Variants in PDE1A observed in about 807,000 individuals in gnomAD.
PDE1A encodes the protein dual specificity calcium/calmodulin-dependent 3',5'-cyclic nucleotide phosphodiesterase 1A.
Under a neutral mutation model 61.7 loss-of-function variants are expected in PDE1A, and 35 were observed. That is an observed-to-expected ratio of 0.57 (90% confidence interval 0.43 to 0.75). The LOEUF (loss-of-function observed/expected upper bound fraction) is 0.75, where lower values mean the gene tolerates loss of function less well. PDE1A is among the 30% of genes least tolerant of loss of function. The pLI, the probability that PDE1A is intolerant of heterozygous loss-of-function variation, is 0.00. For missense variants in PDE1A, 597 were observed against 630.6 expected (o/e 0.95, Z 0.57); for synonymous variants, 232 against 213.2 (o/e 1.09, Z -0.77).
intron 1 of PDE1A, among the ~76,000 whole-genome samples, chr2:182,413,869 C>T (rs1395542568): frequency 1.3e-5 from 2 of 152,066 alleles, no homozygotes; most frequent in African/African-American, 2.4e-5. Flanking sequence ...TCTCATGGTG[C>T]ACTAGTGTTA....
chr2:182,251,972 A>G (rs534567832), intron 2 of PDE1A, among the ~76,000 whole-genome samples: 2 of 152,284 alleles, frequency 1.3e-5, no homozygotes, highest in South Asian at 2.1e-4. Context: ...AGGGGAGATA[A>G]GGAATATATT....
chr2:182,207,008 A>T (rs1687161995), intron 7 of PDE1A, among the ~76,000 whole-genome samples: 1 of 152,198 alleles, frequency 6.6e-6, no homozygotes, highest in Non-Finnish European at 1.5e-5. Flanking sequence ...AGTCTCAGGT[A>T]GTTCTTTATA....
At position 182,159,450 on chromosome 2, in the gene PDE1A, G is replaced by A. The variant is rs80078186; in HGVS notation, c.1517-12298C>T. Among the ~76,000 whole-genome samples, 732 of 152,278 alleles carry A rather than the reference G, an allele frequency of 4.8e-3. 3 individuals are homozygous for A. The highest frequency in any genetic ancestry group is 6.9e-3 in the Non-Finnish European group (468 of 68,014). ...TATCTTGATAGGTTAATTAAGAATG[G>A]AAAGGTGATAGAAATCACCTATCAA... is the stretch of plus-strand genomic sequence containing the variant. On this transcript the variant is annotated intron_variant, in intron 13 of 13. Transcript: ENST00000409365.
At chr2:182,472,639 A>G (rs1687100388) in intron 2 of PDE1A, among the ~76,000 whole-genome samples, 1 of 151,844 alleles carries the variant, frequency 6.6e-6, no homozygotes, top group African/African-American at 2.4e-5. Context: ...GATGCACTGA[A>G]GACTCTGACT....
At chr2:182,286,967 CT>C (rs1694207048) in intron 1 of PDE1A, among the ~76,000 whole-genome samples, 1 of 152,078 alleles carries the variant, frequency 6.6e-6, no homozygotes, top group South Asian at 2.1e-4. Flanking sequence ...TCATCTCACT[CT>C]TATGTTTAAA....
intron 1 of PDE1A, among the ~76,000 whole-genome samples, chr2:182,396,203 A>T (rs1390113900): frequency 1.3e-5 from 2 of 152,198 alleles, no homozygotes; most frequent in Non-Finnish European, 2.9e-5. Flanking sequence ...GTTCTGCATG[A>T]CGTGCAGGCA....
the PDE1A span, among the ~76,000 whole-genome samples, chr2:182,610,190 T>C: frequency 6.6e-6 from 1 of 152,132 alleles, no homozygotes; most frequent in African/African-American, 2.4e-5. Flanking sequence ...CATTAGACCA[T>C]ACCCTTTTTG....
chr2:182,280,635 C>T (rs986016267), intron 1 of PDE1A, among the ~76,000 whole-genome samples: 1 of 151,920 alleles, frequency 6.6e-6, no homozygotes, highest in Non-Finnish European at 1.5e-5. Flanking sequence ...TCTGCTCTGC[C>T]AGTTACCACT....
In PDE1A at chr2:182,187,584, T is replaced by G. The variant is rs565384427; in HGVS notation, c.1208-996A>C. Among the ~76,000 whole-genome samples, 4 of 152,226 alleles carry G rather than the reference T, an allele frequency of 2.6e-5. No individual in the cohort carries two copies. The South Asian group carries it at 8.3e-4, about 32-fold the overall frequency. Reference sequence around the variant, plus strand: ...CATCAGATGCTTGGATAAAAGTAATTCACATTTCAAGTAACTGGATTACTT... The same window carrying G: ...CATCAGATGCTTGGATAAAAGTAATGCACATTTCAAGTAACTGGATTACTT... On this transcript the variant is annotated intron_variant, in intron 11 of 13. Transcript: ENST00000351439.
chr2:182,486,617 G>A (rs1418116667), intron 2 of PDE1A, among the ~76,000 whole-genome samples: 4 of 152,036 alleles, frequency 2.6e-5, no homozygotes, highest in African/African-American at 4.8e-5. Flanking sequence ...GAACAGAATT[G>A]AAAGACCAGA....
intron 2 of PDE1A, among the ~76,000 whole-genome samples, chr2:182,264,076 C>T (rs2125787815): frequency 6.6e-6 from 1 of 152,164 alleles, no homozygotes; most frequent in Middle Eastern, 3.4e-3. Flanking sequence ...GTTTGACTAT[C>T]TTATGACATT....
chr2:182,692,944 A>C, the PDE1A span, among the ~76,000 whole-genome samples: 1 of 151,878 alleles, frequency 6.6e-6, no homozygotes, highest in African/African-American at 2.4e-5. Flanking sequence ...TTCCATTTTT[A>C]TTGTCCCAAT....
the PDE1A span, among the ~76,000 whole-genome samples, chr2:182,637,514 TA>T: frequency 3.9e-5 from 6 of 152,026 alleles, no homozygotes; most frequent in Non-Finnish European, 8.8e-5. Flanking sequence ...AAAGACCAAT[TA>T]AAGAAAAGAG....
At chr2:182,480,912 G>A (rs551030571) in intron 2 of PDE1A, among the ~76,000 whole-genome samples, 4 of 151,938 alleles carry the variant, frequency 2.6e-5, no homozygotes, top group African/African-American at 9.6e-5. Context: ...GAGTCAAAAC[G>A]GGTACTTTGT....
chr2:182,572,776 G>C, the PDE1A span, among the ~76,000 whole-genome samples: 1 of 151,504 alleles, frequency 6.6e-6, no homozygotes, highest in Non-Finnish European at 1.5e-5. Context: ...AGGTGAGGCA[G>C]GAGAATGGTG....
At chr2:182,284,849 C>G (rs187769414) in intron 1 of PDE1A, among the ~76,000 whole-genome samples, 32 of 152,236 alleles carry the variant, frequency 2.1e-4, no homozygotes, top group Non-Finnish European at 4.1e-4. Flanking sequence ...TTCCTTTCAT[C>G]TCACATTGAT....
At chr2:182,512,783 T>C (rs1351621983) in intron 2 of PDE1A, among the ~76,000 whole-genome samples, 1 of 152,080 alleles carries the variant, frequency 6.6e-6, no homozygotes, top group Non-Finnish European at 1.5e-5. Flanking sequence ...GCTGAAAAAC[T>C]CACTACAAGA....
intron 1 of PDE1A, among the ~76,000 whole-genome samples, chr2:182,401,761 G>A (rs202206763): frequency 6.6e-6 from 1 of 152,188 alleles, no homozygotes; most frequent in East Asian, 1.9e-4. Context: ...TGACATGACT[G>A]TATATTTAGA....
At chr2:182,188,286 T>C (rs1685409984) in intron 11 of PDE1A, among the ~76,000 whole-genome samples, 1 of 152,224 alleles carries the variant, frequency 6.6e-6, no homozygotes, top group South Asian at 2.1e-4. Context: ...AGCAGGCAGC[T>C]TTCCCCAACG....
Sources: allele counts gnomAD v4.1 joint callset (sites outside exome capture counted in the v4.1 genomes callset), GRCh38; gene constraint gnomAD v4.1.1; transcripts MANE v1.5; gene names NCBI Gene and HGNC (gene_info 2026-07-23, HGNC 2026-07-21).